GPD2: variants seen among roughly 807,000 people sequenced by gnomAD.
GPD2 encodes glycerol-3-phosphate dehydrogenase, mitochondrial.
Under a neutral mutation model 82.4 loss-of-function variants are expected in GPD2, and 54 were observed. That is an observed-to-expected ratio of 0.66 (90% CI 0.53 to 0.82). The LOEUF (loss-of-function observed/expected upper bound fraction) is 0.82. GPD2 is among the 40% of genes least tolerant of loss of function. The pLI is 0.00. For missense variants in GPD2, 748 were observed against 896.2 expected, an observed-to-expected ratio of 0.83 and a Z score of 2.11; for synonymous variants, 288 against 306.1, an observed-to-expected ratio of 0.94 and a Z score of 0.62.
At chr2:156,514,048 T>C (rs1685104370) in intron 6 of GPD2, among the ~76,000 whole-genome samples, 1 of 152,236 alleles carries the variant, frequency 6.6e-6, no homozygotes, top group Non-Finnish European at 1.5e-5. Flanking sequence ...TCTGAGTTTT[T>C]ATTGCTTATT....
the GPD2 span, among the ~76,000 whole-genome samples, chr2:156,420,518 GATA>G: frequency 6.6e-6 from 1 of 152,084 alleles, no homozygotes; most frequent in Non-Finnish European, 1.5e-5. Context: ...ATATCAACTA[GATA>G]ATGTTAAATA....
At position 156,585,208 on chromosome 2, in the gene GPD2, T is replaced by C. The variant is rs1688171536; in HGVS notation, c.*2290T>C. 6.6e-6 allele frequency: 1 copy of C among 152,388 alleles called. No homozygotes were observed. The highest frequency in any genetic ancestry group is 1.5e-5 in the Non-Finnish European group (1 of 67,928). The allele number at this position is 152,388 out of a possible 1,614,324, so 9.4% of individuals were successfully genotyped here. A position where few individuals can be genotyped will look rare whatever the true frequency, so the allele number is the denominator to read the frequency against. On this transcript the variant is annotated 3_prime_UTR_variant, in exon 17 of 17. Coordinates refer to ENST00000438166, the MANE Select transcript of GPD2 (RefSeq NM_000408.5). ...CTTAATTAAACCTGTACAGCTTCTT[T>C]ACCTGATTTAAGAAAGGGAGACAAG...
upstream of GPD2, chr2:156,436,311 A>T (rs1346082308): frequency 6.6e-6 from 1 of 152,666 alleles, no homozygotes; most frequent in Admixed American, 6.5e-5. Context: ...GGGAGGAGGA[A>T]GTCGGGAAGA....
At position 156,583,066 on chromosome 2, in the gene GPD2, G is replaced by A. The variant is rs143699217; in HGVS notation, c.*148G>A. 7 of 812,466 alleles carry A rather than the reference G, an allele frequency of 8.6e-6. No individual in the cohort carries two copies. The African/African-American group carries it at 1.0e-4, about 12-fold the overall frequency. 50.3% of individuals were successfully genotyped at this position (812,466 alleles called of 1,614,324 possible). ...AACATTCCAAAACTTTAAGGTGTTG[G>A]TGTATTTGCCAGCTTTATTTGCTGT... On this transcript the variant is annotated 3_prime_UTR_variant, in exon 17 of 17. Transcript: ENST00000438166.
At chr2:156,509,851 G>A (rs1684928778) in intron 3 of GPD2, among the ~76,000 whole-genome samples, 1 of 141,022 alleles carries the variant, frequency 7.1e-6, no homozygotes, top group Non-Finnish European at 1.5e-5. Flanking sequence ...TTGGCTCACT[G>A]TAACCTCTGC....
chr2:156,470,647 C>T (rs1425836209), intron 1 of GPD2, among the ~76,000 whole-genome samples: 2 of 152,184 alleles, frequency 1.3e-5, no homozygotes, highest in East Asian at 1.9e-4. Flanking sequence ...AATAAATTTG[C>T]TTGTGCATAG....
intron 1 of GPD2, among the ~76,000 whole-genome samples, chr2:156,447,899 C>G (rs1292364097): frequency 6.6e-6 from 1 of 152,146 alleles, no homozygotes; most frequent in East Asian, 1.9e-4. Context: ...TGATTTCAGT[C>G]AATCCCAAGT....
intron 9 of GPD2, among the ~76,000 whole-genome samples, chr2:156,567,558 T>C (rs1051682709): frequency 2.0e-5 from 3 of 152,120 alleles, no homozygotes; most frequent in Admixed American, 2.0e-4. Flanking sequence ...ATTATACTCA[T>C]GTTTCTGTTA....
chr2:156,569,237 T>G lies in GPD2; in HGVS notation c.1301-126T>G. Reference sequence around the variant, plus strand: ...AGCATTTTTTTTATTCTGAATTAAGTTTTACACAATCCCATGTTTGTTACA... The same window carrying G: ...AGCATTTTTTTTATTCTGAATTAAGGTTTACACAATCCCATGTTTGTTACA... On this transcript the variant is annotated intron_variant, in intron 10 of 16. Transcript: ENST00000438166. The G allele has an allele frequency of 4.1e-6, 3 of 737,164 alleles. No homozygotes were observed. The Admixed American group carries it at 6.3e-5, about 15-fold the overall frequency. 45.7% of individuals were successfully genotyped at this position (737,164 alleles called of 1,614,324 possible).
chr2:156,426,750 G>A, the GPD2 span, among the ~76,000 whole-genome samples: 1 of 152,072 alleles, frequency 6.6e-6, no homozygotes, highest in African/African-American at 2.4e-5. Flanking sequence ...AGAACAAACT[G>A]GAGAGGCTGC....
chr2:156,462,815 T>C (rs1326479852), intron 1 of GPD2, among the ~76,000 whole-genome samples: 3 of 152,240 alleles, frequency 2.0e-5, no homozygotes, highest in African/African-American at 7.2e-5. Flanking sequence ...AGCTATTTAC[T>C]TGTATTTGAA....
rs528320579 is a variant in GPD2, at chr2:156,510,860, A to G, written c.339A>G (p.Lys113=). 9.3e-6 allele frequency: 15 copies of G among 1,613,008 alleles called. No homozygotes were observed. Among genetic ancestry groups the G allele is most frequent in the Non-Finnish European group, 1.3e-5 (15 of 1,179,058 alleles). Residue 113 remains lysine, a synonymous_variant, in exon 4 of 17, where the codon AAA becomes AAG. Transcript: ENST00000438166. The part of the protein sequence containing the change: ...FSSGTSSRST[K]LIHGGVRYLQ... ...CAGGGACCAGCAGCAGAAGCACTAAATTGATCCATGGTGGTGTGAGATATC... is the reference window on the plus strand; with the variant it reads ...CAGGGACCAGCAGCAGAAGCACTAAGTTGATCCATGGTGGTGTGAGATATC...
chr2:156,582,881 T>C lies in GPD2; in HGVS notation c.2147T>C (p.Val716Ala). Reference protein sequence around the residue: ...KTAEENLDRRVPIPVDRSCGG... With the variant: ...KTAEENLDRRAPIPVDRSCGG... ...GCAGAAGAGAACCTCGACAGAAGAG[T>C]TCCAATTCCAGTGGACCGTAGTTGT... The change falls in exon 17 of 17, where the codon GTT becomes GCT. Residue 716 changes from valine (V) to alanine (A), a missense_variant. By Grantham distance (64) the Val-to-Ala change is moderately conservative. Transcript: ENST00000438166. 6.2e-7 allele frequency: 1 copy of C among 1,613,080 alleles called. No homozygotes were observed. Among genetic ancestry groups the C allele is most frequent in the Non-Finnish European group, 8.5e-7 (1 of 1,179,302 alleles).
At chr2:156,466,510 G>GC (rs1353418481) in intron 1 of GPD2, among the ~76,000 whole-genome samples, 2 of 152,112 alleles carry the variant, frequency 1.3e-5, no homozygotes, top group African/African-American at 4.8e-5. Context: ...ATGGTAGAAA[G>GC]CATAAGTATG....
intron 1 of GPD2, among the ~76,000 whole-genome samples, chr2:156,441,766 A>G (rs966395177): frequency 1.1e-4 from 16 of 152,142 alleles, no homozygotes; most frequent in Admixed American, 9.8e-4. Flanking sequence ...CGTCTGCACA[A>G]ACTCTGGGCA....
intron 1 of GPD2, among the ~76,000 whole-genome samples, chr2:156,463,298 A>G (rs866990938): frequency 5.3e-5 from 8 of 152,186 alleles, no homozygotes; most frequent in Admixed American, 3.9e-4. Flanking sequence ...TTTTAACTGT[A>G]TACTCCACTC....
At chr2:156,425,977 C>CAGTG in the GPD2 span, among the ~76,000 whole-genome samples, 1 of 148,344 alleles carries the variant, frequency 6.7e-6, no homozygotes, top group Non-Finnish European at 1.5e-5. Flanking sequence ...GGCTGGAGTG[C>CAGTG]AGTGGCGCCA....
intron 6 of GPD2, among the ~76,000 whole-genome samples, chr2:156,531,771 G>C (rs866023835): frequency 1.3e-5 from 2 of 152,028 alleles, no homozygotes; most frequent in Non-Finnish European, 2.9e-5. Context: ...CAACACAATG[G>C]GGCCTTCAGC....
intron 1 of GPD2, among the ~76,000 whole-genome samples, chr2:156,444,574 G>T (rs547248118): frequency 5.6e-4 from 85 of 152,156 alleles, no homozygotes; most frequent in African/African-American, 2.0e-3. Flanking sequence ...TAAGCTAGGC[G>T]TGGTGGTGGG....
Sources: allele counts gnomAD v4.1 joint callset (sites outside exome capture counted in the v4.1 genomes callset), GRCh38; gene constraint gnomAD v4.1.1; transcripts MANE v1.5; gene names NCBI Gene and HGNC (gene_info 2026-07-23, HGNC 2026-07-21).